ZNF385D: variants seen among roughly 807,000 people sequenced by gnomAD.
ZNF385D encodes the protein zinc finger protein 659.
ZNF385D carries 15 observed loss-of-function variants against 35.8 expected under a neutral mutation model. That is an observed-to-expected ratio of 0.42 (90% confidence interval 0.28 to 0.64). The LOEUF (loss-of-function observed/expected upper bound fraction) is 0.64, where lower values mean the gene tolerates loss of function less well. ZNF385D is among the 30% of genes least tolerant of loss of function. The pLI, the probability that ZNF385D is intolerant of heterozygous loss-of-function variation, is 0.23. For synonymous variants in ZNF385D, 212 were observed against 186.8 expected (o/e 1.13, Z -1.10); for missense variants, 474 against 494.6 (o/e 0.96, Z 0.39).
intron 3 of ZNF385D, among the ~76,000 whole-genome samples, chr3:21,941,777 G>A (rs971908395): frequency 1.3e-5 from 2 of 151,024 alleles, no homozygotes; most frequent in Non-Finnish European, 2.9e-5. Context: ...GATTACAGGG[G>A]TGAGCCACCA....
At chr3:22,009,107 T>C (rs1010973563) in intron 3 of ZNF385D, among the ~76,000 whole-genome samples, 4 of 152,156 alleles carry the variant, frequency 2.6e-5, no homozygotes, top group East Asian at 1.9e-4. Context: ...AGAGAGCACA[T>C]TGTAATATCT....
At position 21,416,759 on chromosome 3, in the gene ZNF385D, T is replaced by C. The variant is rs1041146524; in HGVS notation, c.*4455A>G. 6 of 152,172 alleles carry C rather than the reference T, an allele frequency of 3.9e-5. No homozygotes were observed. The highest frequency in any genetic ancestry group is 3.3e-4 in the Admixed American group (5 of 15,266). The allele number at this position is 152,172 out of a possible 1,614,324, so 9.4% of individuals were successfully genotyped here. On this transcript the variant is annotated 3_prime_UTR_variant, in exon 8 of 8. Transcript: ENST00000281523. The stretch of plus-strand genomic sequence containing the variant: ...TTGTCTGTGGAAGAGATGGTCTTAA[T>C]AAGGCAACCATTAGTTAAAATACAT...
intron 2 of ZNF385D, among the ~76,000 whole-genome samples, chr3:22,220,095 G>A (rs1698160925): frequency 6.8e-6 from 1 of 147,866 alleles, no homozygotes; most frequent in Non-Finnish European, 1.5e-5. Context: ...CAGGGTCTTG[G>A]TTTTGTCATT....
chr3:22,070,564 A>C (rs1201230761), intron 3 of ZNF385D, among the ~76,000 whole-genome samples: 1 of 152,142 alleles, frequency 6.6e-6, no homozygotes, highest in East Asian at 1.9e-4. Flanking sequence ...ACTGTGATGA[A>C]AGATTATAAA....
chr3:21,787,055 T>C (rs1293677384), intron 3 of ZNF385D, among the ~76,000 whole-genome samples: 2 of 152,164 alleles, frequency 1.3e-5, no homozygotes, highest in Non-Finnish European at 1.5e-5. Context: ...AATGAGAGCA[T>C]AGTAATAAGA....
chr3:22,161,838 C>G (rs534786583), intron 3 of ZNF385D, among the ~76,000 whole-genome samples: 1 of 152,064 alleles, frequency 6.6e-6, no homozygotes, highest in South Asian at 2.1e-4. Flanking sequence ...TAAGAAAATA[C>G]CCAAATGTAT....
rs922512803 is a variant in ZNF385D at position 22,095,875 on chromosome 3, T to C, written c.325+72942A>G. Among the ~76,000 whole-genome samples the C allele has an allele frequency of 1.0e-3, 155 of 151,750 alleles. 1 individual carries two copies. The highest frequency in any genetic ancestry group is 2.5e-4 in the Non-Finnish European group (17 of 67,926). ...TTCAACATATATATATATACTATGCTTAAAAATTCTTGTATCATGGAGGTG... is the reference window on the plus strand; with the variant it reads ...TTCAACATATATATATATACTATGCCTAAAAATTCTTGTATCATGGAGGTG... On this transcript the variant is annotated intron_variant, in intron 3 of 5. Coordinates refer to the ZNF385D transcript ENST00000494108.
chr3:21,417,898 G>A lies in ZNF385D; in HGVS notation c.*3316C>T, dbSNP rs761899598. 9 of 152,124 alleles carry A rather than the reference G, an allele frequency of 5.9e-5. No individual in the cohort carries two copies. Among genetic ancestry groups the A allele is most frequent in the Non-Finnish European group, 1.2e-4 (8 of 68,006 alleles). 9.4% of individuals were successfully genotyped at this position (152,124 alleles called of 1,614,324 possible). On this transcript the variant is annotated 3_prime_UTR_variant, in exon 8 of 8. Transcript: ENST00000281523. ...AGAAGCCAAATAGTACCTAAAGATAGAAATCCTTTCAAATGAGGCAGGGGT... is the reference window on the plus strand; with the variant it reads ...AGAAGCCAAATAGTACCTAAAGATAAAAATCCTTTCAAATGAGGCAGGGGT...
chr3:21,523,018 T>C (rs1452775881), intron 3 of ZNF385D, among the ~76,000 whole-genome samples: 1 of 152,182 alleles, frequency 6.6e-6, no homozygotes, highest in African/African-American at 2.4e-5. Context: ...TAGTGTGTCA[T>C]AAATGTATTA....
At chr3:22,233,534 C>A (rs1323671941) in intron 2 of ZNF385D, among the ~76,000 whole-genome samples, 4 of 152,096 alleles carry the variant, frequency 2.6e-5, no homozygotes, top group Admixed American at 6.6e-5. Flanking sequence ...TAGAAGTGTA[C>A]ACTTAAAATA....
intron 3 of ZNF385D, among the ~76,000 whole-genome samples, chr3:21,979,979 A>C (rs1694331798): frequency 6.6e-6 from 1 of 152,190 alleles, no homozygotes; most frequent in Non-Finnish European, 1.5e-5. Flanking sequence ...TCATTTCAAA[A>C]TATGGTAGGA....
chr3:21,451,191 CT>C (rs1282159464), intron 4 of ZNF385D, among the ~76,000 whole-genome samples: 4 of 151,902 alleles, frequency 2.6e-5, no homozygotes, highest in Admixed American at 6.6e-5. Context: ...TGATGAAATT[CT>C]TCTCTATCTT....
At chr3:21,445,153 C>T (rs1445677359) in intron 4 of ZNF385D, among the ~76,000 whole-genome samples, 2 of 152,160 alleles carry the variant, frequency 1.3e-5, no homozygotes, top group Non-Finnish European at 2.9e-5. Context: ...TGTTCTTAAC[C>T]TCAAAATGGA....
intron 2 of ZNF385D, among the ~76,000 whole-genome samples, chr3:21,582,331 T>C (rs1460238921): frequency 6.6e-6 from 1 of 152,174 alleles, no homozygotes; most frequent in African/African-American, 2.4e-5. Context: ...TGGAGAAAAC[T>C]AAACCAGAGC....
intron 3 of ZNF385D, among the ~76,000 whole-genome samples, chr3:21,844,285 T>A (rs897626883): frequency 2.6e-5 from 4 of 151,984 alleles, no homozygotes; most frequent in Non-Finnish European, 5.9e-5. Context: ...CAAAATACAA[T>A]ATCATAAGAG....
At chr3:21,809,487 G>C (rs1338443148) in intron 3 of ZNF385D, among the ~76,000 whole-genome samples, 2 of 151,738 alleles carry the variant, frequency 1.3e-5, no homozygotes, top group African/African-American at 2.4e-5. Flanking sequence ...AATGTGGTAA[G>C]GCTTTTAGAT....
intron 2 of ZNF385D, among the ~76,000 whole-genome samples, chr3:22,190,896 G>T (rs1214495260): frequency 6.6e-6 from 1 of 151,892 alleles, no homozygotes; most frequent in East Asian, 1.9e-4. Context: ...AACTATAAAG[G>T]ATACTCTGTG....
intron 1 of ZNF385D, among the ~76,000 whole-genome samples, chr3:21,672,529 C>G (rs925568970): frequency 5.3e-5 from 8 of 152,044 alleles, no homozygotes; most frequent in African/African-American, 1.9e-4. Context: ...GAGTATGAGT[C>G]AGGGCAATTG....
At chr3:21,603,495 A>G (rs2064380635) in intron 2 of ZNF385D, among the ~76,000 whole-genome samples, 1 of 152,238 alleles carries the variant, frequency 6.6e-6, no homozygotes, top group South Asian at 2.1e-4. Flanking sequence ...TATTGGTTAC[A>G]TAAGTTATGT....
Sources: allele counts gnomAD v4.1 joint callset (sites outside exome capture counted in the v4.1 genomes callset), GRCh38; gene constraint gnomAD v4.1.1; transcripts MANE v1.5; gene names NCBI Gene and HGNC (gene_info 2026-07-23, HGNC 2026-07-21).